Variants in HTR1D observed in about 807,000 individuals in gnomAD.
The protein encoded by HTR1D is 5-HT-1D.
A neutral mutation model predicts 21.1 loss-of-function variants in HTR1D; 18 were observed. That is an observed-to-expected ratio of 0.85 (90% CI 0.59 to 1.27). HTR1D has a LOEUF of 1.27. Among genes scored for constraint, HTR1D ranks in the 50% most tolerant of loss-of-function variants. The pLI, the probability that HTR1D is intolerant of heterozygous loss-of-function variation, is 0.00. For missense variants in HTR1D, 456 were observed against 481.4 expected (o/e 0.95, Z 0.49); for synonymous variants, 196 against 204.4 (o/e 0.96, Z 0.35).
intron 1 of HTR1D, among the ~76,000 whole-genome samples, chr1:23,201,210 C>T (rs531713616): frequency 6.6e-6 from 1 of 152,216 alleles, no homozygotes; most frequent in African/African-American, 2.4e-5. Flanking sequence ...AATCTGCAGG[C>T]CAAGGGTCCT....
intron 1 of HTR1D, among the ~76,000 whole-genome samples, chr1:23,195,854 G>C (rs1644686729): frequency 6.6e-6 from 1 of 152,000 alleles, no homozygotes; most frequent in African/African-American, 2.4e-5. Context: ...TTTGAGATAG[G>C]ATCTAGCTCT....
rs185902863 is a variant in HTR1D at position 23,192,345 on chromosome 1, C to T, written c.*741G>A. 1 of 152,606 alleles carries T rather than the reference C, an allele frequency of 6.6e-6. No individual in the cohort carries two copies. The highest frequency in any genetic ancestry group is 2.1e-4 in the South Asian group (1 of 4,832). The allele number at this position is 152,606 out of a possible 1,614,324, so 9.5% of individuals were successfully genotyped here. ...ATCAAGGTGCCACACAGAATGGAGA[C>T]CCATCCTGGCTCCAAATTCTCTTTC... On this transcript the variant is annotated 3_prime_UTR_variant, in exon 2 of 2. Coordinates refer to ENST00000374619, the MANE Select transcript of HTR1D (RefSeq NM_000864.5).
At chr1:23,215,750 G>A (rs986779771) in intron 1 of HTR1D, among the ~76,000 whole-genome samples, 5 of 152,234 alleles carry the variant, frequency 3.3e-5, no homozygotes, top group Non-Finnish European at 5.9e-5. Flanking sequence ...TCTGGAAGGC[G>A]GTGAGCCAGC....
intron 1 of HTR1D, among the ~76,000 whole-genome samples, chr1:23,195,435 G>A (rs890783463): frequency 2.0e-5 from 3 of 152,050 alleles, no homozygotes; most frequent in Non-Finnish European, 4.4e-5. Flanking sequence ...CCTATAGTGA[G>A]CATGAATAAT....
At chr1:23,202,899 A>G (rs1644715361) in intron 1 of HTR1D, among the ~76,000 whole-genome samples, 1 of 152,012 alleles carries the variant, frequency 6.6e-6, no homozygotes, top group Admixed American at 6.6e-5. Context: ...ACATGTGGGA[A>G]GAATCTGGAA....
At chr1:23,215,218 G>A (rs1043925583) in intron 1 of HTR1D, among the ~76,000 whole-genome samples, 2 of 152,090 alleles carry the variant, frequency 1.3e-5, no homozygotes, top group African/African-American at 4.8e-5. Context: ...AGAGTTCGAG[G>A]CCAGCCTGGG....
chr1:23,193,358 G>C lies in HTR1D; in HGVS notation c.862C>G (p.Arg288Gly). The C allele has an allele frequency of 6.2e-7, 1 of 1,614,168 alleles. No homozygotes were observed. The highest frequency in any genetic ancestry group is 8.5e-7 in the Non-Finnish European group (1 of 1,180,040). Reference protein sequence around the residue: ...KIKLADSALERKRISAARERK... With the variant: ...KIKLADSALEGKRISAARERK... ...TCTCGAGCAGCAGAAATCCTCTTGCGTTCCAGGGCACTGTCAGCAAGCTTG... is the reference window on the plus strand; with the variant it reads ...TCTCGAGCAGCAGAAATCCTCTTGCCTTCCAGGGCACTGTCAGCAAGCTTG... The change falls in exon 2 of 2, where the codon CGC (arginine) becomes GGC (glycine). Residue 288 changes from arginine (R) to glycine (G), a missense_variant. Physicochemically the swap from Arg to Gly is moderately radical, Grantham distance 125. Transcript: ENST00000374619.
At chr1:23,195,342 G>A (rs674386) in intron 1 of HTR1D, among the ~76,000 whole-genome samples, 53,444 of 152,000 alleles carry the variant, frequency 0.35, 9,910 homozygotes, top group African/African-American at 0.47. Flanking sequence ...CATCAGGAAA[G>A]AAACCAAATT....
chr1:23,193,918 G>A lies in HTR1D; in HGVS notation c.302C>T (p.Thr101Ile). The A allele has an allele frequency of 6.2e-7, 1 of 1,614,264 alleles. No homozygotes were observed. The highest frequency in any genetic ancestry group is 8.5e-7 in the Non-Finnish European group (1 of 1,180,054). The change falls in exon 2 of 2, where the codon ACC (threonine) becomes ATC (isoleucine). Residue 101 changes from threonine (T) to isoleucine (I), a missense_variant. Physicochemically the swap from Thr to Ile is moderately conservative, Grantham distance 89 (BLOSUM62 -1). Coordinates refer to ENST00000374619, the MANE Select transcript of HTR1D (RefSeq NM_000864.5). ...VMPISIAYTITHTWNFGQILC... is the reference protein window; with the variant it reads ...VMPISIAYTIIHTWNFGQILC... Reference sequence around the variant, plus strand: ...GATTTGGCCAAAGTTCCAGGTGTGGGTGATGGTATAGGCGATGCTGATGGG... The same window carrying A: ...GATTTGGCCAAAGTTCCAGGTGTGGATGATGGTATAGGCGATGCTGATGGG...
chr1:23,214,716 C>T (rs1053908265), intron 1 of HTR1D, among the ~76,000 whole-genome samples: 3 of 152,104 alleles, frequency 2.0e-5, no homozygotes, highest in Admixed American at 1.3e-4. Flanking sequence ...TTGTTTATTG[C>T]GTATCTTTCC....
intron 1 of HTR1D, among the ~76,000 whole-genome samples, chr1:23,199,482 A>C (rs1192907975): frequency 8.8e-6 from 1 of 114,020 alleles, no homozygotes; most frequent in Non-Finnish European, 1.6e-5. Flanking sequence ...TGTCACCCAG[A>C]TATAGTGGCA....
intron 1 of HTR1D, among the ~76,000 whole-genome samples, chr1:23,214,136 A>T (rs922398404): frequency 2.0e-5 from 3 of 152,194 alleles, no homozygotes; most frequent in Non-Finnish European, 4.4e-5. Flanking sequence ...TTCTCCATTT[A>T]AAGTTTTTGG....
At chr1:23,200,404 A>C (rs1569758620) in intron 1 of HTR1D, among the ~76,000 whole-genome samples, 1 of 152,216 alleles carries the variant, frequency 6.6e-6, no homozygotes, top group African/African-American at 2.4e-5. Context: ...CCACTGGGCA[A>C]ATCACTTCAC....
chr1:23,201,652 A>T (rs1644709677), intron 1 of HTR1D, among the ~76,000 whole-genome samples: 1 of 152,142 alleles, frequency 6.6e-6, no homozygotes, highest in Non-Finnish European at 1.5e-5. Flanking sequence ...CCCAGGTTCA[A>T]GTGATCCTTC....
intron 1 of HTR1D, among the ~76,000 whole-genome samples, chr1:23,207,624 G>A (rs1045168876): frequency 3.3e-5 from 5 of 152,132 alleles, no homozygotes; most frequent in African/African-American, 7.2e-5. Context: ...TGTTTTCAAG[G>A]CCTTTGCAAT....
chr1:23,198,361 G>T (rs1273149241), intron 1 of HTR1D, among the ~76,000 whole-genome samples: 3 of 63,932 alleles, frequency 4.7e-5, no homozygotes, highest in Admixed American at 2.2e-4. Context: ...GCGAGACTCC[G>T]TCTCAAAAAA....
At chr1:23,215,936 G>GCC (rs1644771978) in intron 1 of HTR1D, among the ~76,000 whole-genome samples, 1 of 152,170 alleles carries the variant, frequency 6.6e-6, no homozygotes, top group Non-Finnish European at 1.5e-5. Flanking sequence ...AGGGGTAGAG[G>GCC]CCCTAGCCCC....
chr1:23,215,684 C>A (rs1225061897), intron 1 of HTR1D, among the ~76,000 whole-genome samples: 2 of 152,334 alleles, frequency 1.3e-5, no homozygotes, highest in East Asian at 3.9e-4. Flanking sequence ...ATTGATCCAT[C>A]AGGTAACTGA....
chr1:23,200,680 T>C (rs546715957), intron 1 of HTR1D, among the ~76,000 whole-genome samples: 55 of 152,256 alleles, frequency 3.6e-4, no homozygotes, highest in Non-Finnish European at 6.5e-4. Context: ...GGCCTTGTAA[T>C]AAAATGGTGA....
Sources: allele counts gnomAD v4.1 joint callset (sites outside exome capture counted in the v4.1 genomes callset), GRCh38; gene constraint gnomAD v4.1.1; transcripts MANE v1.5; gene names NCBI Gene and HGNC (gene_info 2026-07-23, HGNC 2026-07-21).